Variants in HECTD4 observed in about 807,000 individuals in gnomAD.
HECTD4 encodes the protein HECT domain E3 ubiquitin protein ligase 4, also known as probable E3 ubiquitin-protein ligase HECTD4.
In HECTD4, 114 loss-of-function variants were observed where a neutral mutation model predicts 471.5. The observed-to-expected ratio is 0.24, with a 90% CI of 0.21 to 0.28. HECTD4 has a LOEUF of 0.28. HECTD4 is among the 10% of genes least tolerant of loss of function. The probability of loss-of-function intolerance (pLI) is 1.00; values close to 1 mark genes in which losing one functional copy is unlikely to be tolerated. For synonymous variants in HECTD4, 2,012 were observed against 2,256.0 expected, an observed-to-expected ratio of 0.89 and a Z score of 3.07; for missense variants, 3,866 against 5,651.5, an observed-to-expected ratio of 0.68 and a Z score of 10.13.
chr12:112,233,417 C>T (rs1419768707), intron 37 of HECTD4, among the ~76,000 whole-genome samples: 1 of 151,476 alleles, frequency 6.6e-6, no homozygotes. Context: ...GAGATGGGAT[C>T]TCACTATGTT....
chr12:112,165,277 T>C (rs2136997447), intron 72 of HECTD4, among the ~76,000 whole-genome samples: 1 of 151,514 alleles, frequency 6.6e-6, no homozygotes, highest in East Asian at 1.9e-4. Flanking sequence ...TACCAGATGA[T>C]ACTGTTTGAA....
intron 7 of HECTD4, among the ~76,000 whole-genome samples, chr12:112,290,847 TCAAAAAAAAACAAAA>T (rs2034862966): frequency 9.8e-6 from 1 of 101,942 alleles, no homozygotes; most frequent in African/African-American, 5.1e-5. Context: ...AAACTCCGTC[TCAAAAAAAAACAAAA>T]CAAAAAAAAA....
chr12:112,308,830 T>C lies in HECTD4; in HGVS notation c.1087A>G (p.Ser363Gly). 6.5e-7 allele frequency: 1 copy of C among 1,536,070 alleles called. No individual in the cohort carries two copies. The highest frequency in any genetic ancestry group is 8.7e-7 in the Non-Finnish European group (1 of 1,146,872). ...AAAGAGACAGGCCGGTGGAGAAGAC[T>C]GCCGCTGCCAAAAGCCACCCATCCT... is the stretch of plus-strand genomic sequence containing the variant. ...EPGWVAFGSG[S>G]LLHRPVSFDN... Residue 363 changes from serine (S) to glycine (G), a missense_variant, in exon 6 of 76, where the codon AGT becomes GGT. Physicochemically the swap from Ser to Gly is moderately conservative, Grantham distance 56. This residue lies in a region of HECTD4 where 440 missense variants were observed against 636.0 expected (regional missense o/e 0.69). Transcript: ENST00000682272.
chr12:112,266,048 T>C, intron 14 of HECTD4, 65 bp from the exon 15 acceptor site: 2 of 1,171,490 alleles, frequency 1.7e-6, no homozygotes, highest in Middle Eastern at 2.0e-4. Flanking sequence ...ATGCTATTTT[T>C]AAAAAGTTTT....
At chr12:112,372,256 C>G (rs895065095) in intron 1 of HECTD4, among the ~76,000 whole-genome samples, 5 of 151,374 alleles carry the variant, frequency 3.3e-5, no homozygotes, top group African/African-American at 1.2e-4. Flanking sequence ...AACCACGCCC[C>G]GCTAATTTTT....
At chr12:112,226,573 C>T in intron 44 of HECTD4, 70 bp downstream of exon 44, 2 of 971,328 alleles carry the variant, frequency 2.1e-6, no homozygotes, top group Non-Finnish European at 3.1e-6. Flanking sequence ...CTTAACATAC[C>T]ATTATCAAAT....
intron 1 of HECTD4, among the ~76,000 whole-genome samples, chr12:112,369,075 T>C (rs1175564612): frequency 6.6e-6 from 1 of 152,142 alleles, no homozygotes; most frequent in Non-Finnish European, 1.5e-5. Context: ...TAAGGAGTCA[T>C]TGTTTCCCTC....
intron 72 of HECTD4, among the ~76,000 whole-genome samples, chr12:112,165,772 C>T (rs2030927860): frequency 6.6e-6 from 1 of 152,242 alleles, no homozygotes; most frequent in African/African-American, 2.4e-5. Context: ...TGTCGCCTCC[C>T]CACATATGGC....
intron 44 of HECTD4, among the ~76,000 whole-genome samples, chr12:112,222,337 G>A (rs1175826580): frequency 6.6e-6 from 1 of 152,150 alleles, no homozygotes; most frequent in Non-Finnish European, 1.5e-5. Context: ...AATTACAGGC[G>A]TGAGCCACAG....
rs57142641 is a variant in HECTD4 at position 112,162,989 on chromosome 12, C to T, written c.13120+53G>A. 2,785 of 1,396,844 alleles carry T rather than the reference C, an allele frequency of 2.0e-3. 34 individuals are homozygous for T. In the African/African-American group the frequency reaches 0.032, roughly 16 times the overall value. The allele number at this position is 1,396,844 out of a possible 1,614,324, so 86.5% of individuals were successfully genotyped here. A position where few individuals can be genotyped will look rare whatever the true frequency, so the allele number is the denominator to read the frequency against. On this transcript the variant is annotated intron_variant, in intron 75 of 75. Transcript: ENST00000682272. This position sits in a 1 kb window ranked among gnomAD's most constrained non-coding sequence, Gnocchi z 5.2. ...GGGGCCTGGCAGCCCCAGTTCCAAA[C>T]AGAGAAAGGCTAGTGTGTCCCTACT...
chr12:112,284,545 G>A (rs950990421), intron 7 of HECTD4, among the ~76,000 whole-genome samples: 2 of 152,292 alleles, frequency 1.3e-5, no homozygotes, highest in East Asian at 1.9e-4. Flanking sequence ...ACGTAGTGGG[G>A]GAGTCTTTTA....
intron 1 of HECTD4, among the ~76,000 whole-genome samples, chr12:112,376,467 C>T (rs1001450187): frequency 3.3e-5 from 5 of 152,008 alleles, no homozygotes; most frequent in Non-Finnish European, 5.9e-5. Context: ...AGGATGGTCT[C>T]GATCTCCTGA....
At chr12:112,261,275 G>A (rs970294928) in intron 18 of HECTD4, 30 bp downstream of exon 18, 1 of 1,522,982 alleles carries the variant, frequency 6.6e-7, no homozygotes, top group Non-Finnish European at 8.9e-7. Context: ...CCACAGGGCA[G>A]CTGGTCACAG....
chr12:112,249,418 G>C (rs562000827), intron 25 of HECTD4: 1 of 151,542 alleles, frequency 6.6e-6, no homozygotes, highest in South Asian at 2.1e-4. Context: ...AGACATATTA[G>C]AGCTGGAAGA....
Position 112,250,380 on chromosome 12 carries a change from G to T in HECTD4, c.3717-3C>A. On this transcript the variant is annotated splice_region_variant and splice_polypyrimidine_tract_variant and intron_variant, in intron 24 of 75. Transcript: ENST00000682272. ...TGGCCTCCACCTGCCACTGGCACCT[G>T]AGCAGACAGAAAAGAGGCTCTTCAC... is the stretch of plus-strand genomic sequence containing the variant. 1 of 1,608,586 alleles carries T rather than the reference G, an allele frequency of 6.2e-7. No homozygotes were observed. The highest frequency in any genetic ancestry group is 8.5e-7 in the Non-Finnish European group (1 of 1,175,174).
chr12:112,336,125 G>T (rs1423727274), intron 1 of HECTD4, among the ~76,000 whole-genome samples: 1 of 152,178 alleles, frequency 6.6e-6, no homozygotes. Context: ...TCATGAGGAT[G>T]AAATAAGCAA....
intron 3 of HECTD4, among the ~76,000 whole-genome samples, chr12:112,313,713 T>G (rs2035418822): frequency 6.6e-6 from 1 of 152,032 alleles, no homozygotes; most frequent in South Asian, 2.1e-4. Flanking sequence ...GGTTTTGAAC[T>G]CCTGACCTCA....
intron 72 of HECTD4, among the ~76,000 whole-genome samples, chr12:112,164,606 G>A (rs1243628525): frequency 2.6e-5 from 4 of 151,942 alleles, no homozygotes; most frequent in Middle Eastern, 3.2e-3. Context: ...GAGACTGCTT[G>A]AGGCTAATTA....
chr12:112,263,984 A>T (rs2034209873), intron 17 of HECTD4, 100 bp downstream of exon 17: 44 of 1,158,586 alleles, frequency 3.8e-5, no homozygotes, highest in Non-Finnish European at 5.0e-5. Flanking sequence ...AATATAAGCC[A>T]CAAGGTGAAT....
Sources: gnomAD v4.1 joint callset for allele counts (sites outside exome capture counted in the v4.1 genomes callset) on GRCh38, gnomAD v4.1.1 for gene constraint, gnomAD v4.1.1 regional missense constraint, Gnocchi (gnomAD v3.1) non-coding constraint, MANE v1.5 for transcripts, NCBI Gene and HGNC (gene_info 2026-07-23, HGNC 2026-07-21) for gene names.